Variants in RARB observed in about 807,000 individuals in gnomAD.
RARB encodes the protein HBV-activated protein.
A neutral mutation model predicts 51.9 loss-of-function variants in RARB; 17 were observed. The observed-to-expected ratio is 0.33, with a 90% CI of 0.22 to 0.49. The LOEUF is 0.49. Among genes scored for constraint, RARB ranks in the 20% least tolerant of loss-of-function variants. The probability of loss-of-function intolerance (pLI) is 0.99; values close to 1 mark genes in which losing one functional copy is unlikely to be tolerated. For missense variants in RARB, 369 were observed against 550.8 expected (o/e 0.67, Z 3.30); for synonymous variants, 215 against 195.4 (o/e 1.10, Z -0.84).
intron 3 of RARB, among the ~76,000 whole-genome samples, chr3:25,518,912 C>T (rs1698288245): frequency 6.6e-6 from 1 of 152,086 alleles, no homozygotes; most frequent in Non-Finnish European, 1.5e-5. Flanking sequence ...CATGGGGGAG[C>T]TTTCTGGGGT....
intron 3 of RARB, among the ~76,000 whole-genome samples, chr3:25,094,120 A>T (rs779545747): frequency 1.2e-4 from 19 of 152,196 alleles, no homozygotes; most frequent in Non-Finnish European, 2.8e-4. Context: ...TGCCTTAAGA[A>T]CTAGCCATTG....
chr3:25,449,780 CCTG>C (rs1709110070), intron 1 of RARB, among the ~76,000 whole-genome samples: 2 of 151,034 alleles, frequency 1.3e-5, no homozygotes, highest in African/African-American at 4.9e-5. Context: ...TAGACGGAGT[CCTG>C]CTGTGTTGCC....
At chr3:24,951,129 G>A (rs1695882379) in intron 2 of RARB, among the ~76,000 whole-genome samples, 1 of 152,168 alleles carries the variant, frequency 6.6e-6, no homozygotes, top group South Asian at 2.1e-4. Flanking sequence ...GGCAGGGAGA[G>A]AAGCTTATCC....
intron 5 of RARB, among the ~76,000 whole-genome samples, chr3:25,300,760 C>A (rs1331056378): frequency 6.6e-6 from 1 of 151,990 alleles, no homozygotes; most frequent in Non-Finnish European, 1.5e-5. Context: ...GAGGCCGAGG[C>A]GGGCGGATTG....
intron 1 of RARB, among the ~76,000 whole-genome samples, chr3:25,438,986 G>C (rs1004425148): frequency 1.3e-5 from 2 of 152,210 alleles, no homozygotes; most frequent in African/African-American, 4.8e-5. Context: ...TGAAGTCTAC[G>C]CTGGCCTAGT....
intron 3 of RARB, among the ~76,000 whole-genome samples, chr3:25,555,824 CA>C (rs1432188952): frequency 6.6e-6 from 1 of 152,134 alleles, no homozygotes; most frequent in East Asian, 1.9e-4. Context: ...CTCTCTCCAC[CA>C]AGGGCTGGAG....
intron 3 of RARB, among the ~76,000 whole-genome samples, chr3:25,086,380 C>A (rs911759074): frequency 6.6e-6 from 1 of 152,142 alleles, no homozygotes; most frequent in Non-Finnish European, 1.5e-5. Context: ...TGATTTGATT[C>A]TTACAATTTG....
At chr3:24,850,583 G>A (rs915203881) in intron 1 of RARB, among the ~76,000 whole-genome samples, 1 of 152,146 alleles carries the variant, frequency 6.6e-6, no homozygotes, top group Non-Finnish European at 1.5e-5. Flanking sequence ...GGGGGCAGAG[G>A]GAAGAAACCT....
chr3:25,100,566 C>A (rs1699380867), intron 3 of RARB, among the ~76,000 whole-genome samples: 1 of 152,100 alleles, frequency 6.6e-6, no homozygotes, highest in Admixed American at 6.6e-5. Flanking sequence ...TATAACTAAG[C>A]AAATAGGTTC....
chr3:25,591,668 C>T (rs1429435662), intron 5 of RARB, among the ~76,000 whole-genome samples: 1 of 152,026 alleles, frequency 6.6e-6, no homozygotes, highest in East Asian at 1.9e-4. Flanking sequence ...GGTAGGTGAT[C>T]AATAAAACAT....
chr3:25,255,520 C>T (rs1270798686), intron 5 of RARB, among the ~76,000 whole-genome samples: 1 of 152,092 alleles, frequency 6.6e-6, no homozygotes, highest in Non-Finnish European at 1.5e-5. Flanking sequence ...CCCTTGGCAA[C>T]TAGAATCTTT....
At chr3:25,094,842 C>A (rs1699265585) in intron 3 of RARB, among the ~76,000 whole-genome samples, 1 of 151,676 alleles carries the variant, frequency 6.6e-6, no homozygotes, top group South Asian at 2.1e-4. Flanking sequence ...TCTGGCCTTT[C>A]ACCCTGGGAA....
chr3:25,549,760 A>T (rs1285812709), intron 3 of RARB, among the ~76,000 whole-genome samples: 2 of 152,122 alleles, frequency 1.3e-5, no homozygotes, highest in Non-Finnish European at 2.9e-5. Flanking sequence ...GTTTGCTGCC[A>T]TTTATTGAGT....
intron 5 of RARB, among the ~76,000 whole-genome samples, chr3:25,222,655 A>G (rs1575231904): frequency 6.6e-6 from 1 of 152,226 alleles, no homozygotes; most frequent in Non-Finnish European, 1.5e-5. Flanking sequence ...GATGGAAGGA[A>G]TGAACACTAT....
intron 1 of RARB, among the ~76,000 whole-genome samples, chr3:24,848,715 C>T (rs762443273): frequency 1.3e-5 from 2 of 152,180 alleles, no homozygotes; most frequent in Admixed American, 6.5e-5. Context: ...CTAATTGCAA[C>T]GTAGCAGCAT....
intron 4 of RARB, among the ~76,000 whole-genome samples, chr3:25,135,100 C>T (rs1297051192): frequency 6.6e-6 from 1 of 151,180 alleles, no homozygotes; most frequent in Non-Finnish European, 1.5e-5. Flanking sequence ...ACCATGCTTC[C>T]CTGAACTCTT....
chr3:25,320,132 C>G (rs1431432841), intron 5 of RARB, among the ~76,000 whole-genome samples: 1 of 151,914 alleles, frequency 6.6e-6, no homozygotes, highest in Non-Finnish European at 1.5e-5. Flanking sequence ...CAAAAGTCAC[C>G]CCAACCTCTA....
intron 5 of RARB, among the ~76,000 whole-genome samples, chr3:25,421,473 G>T (rs1317297347): frequency 7.5e-6 from 1 of 132,834 alleles, no homozygotes; most frequent in Admixed American, 8.5e-5. Context: ...GTGCAGTGGT[G>T]CAATCTCGGC....
intron 5 of RARB, among the ~76,000 whole-genome samples, chr3:25,254,566 C>G (rs915623669): frequency 5.3e-5 from 8 of 151,894 alleles, no homozygotes; most frequent in African/African-American, 1.9e-4. Flanking sequence ...CTTTCTCTGA[C>G]AGTTTTCCTT....
Sources: allele counts gnomAD v4.1 joint callset (sites outside exome capture counted in the v4.1 genomes callset), GRCh38; gene constraint gnomAD v4.1.1; transcripts MANE v1.5; gene names NCBI Gene and HGNC (gene_info 2026-07-23, HGNC 2026-07-21).